MARK3: variants seen among roughly 807,000 people sequenced by gnomAD.
The protein encoded by MARK3 is microtubule affinity regulating kinase 3, also known as MAP/microtubule affinity-regulating kinase 3.
MARK3 carries 46 observed loss-of-function variants against 90.1 expected under a neutral mutation model. That is an observed-to-expected ratio of 0.51 (90% CI 0.40 to 0.65). The LOEUF (loss-of-function observed/expected upper bound fraction) is 0.65, where lower values mean the gene tolerates loss of function less well. Among genes scored for constraint, MARK3 ranks in the 30% least tolerant of loss-of-function variants. The pLI, the probability that MARK3 is intolerant of heterozygous loss-of-function variation, is 0.00. For synonymous variants in MARK3, 321 were observed against 332.6 expected, an observed-to-expected ratio of 0.97 and a Z score of 0.38; for missense variants, 818 against 947.2, an observed-to-expected ratio of 0.86 and a Z score of 1.79.
At chr14:103,407,336 A>G (rs2091362698) in intron 2 of MARK3, among the ~76,000 whole-genome samples, 1 of 152,074 alleles carries the variant, frequency 6.6e-6, no homozygotes, top group Admixed American at 6.6e-5. Flanking sequence ...TATTGTCAAT[A>G]TTTACAGATT....
chr14:103,430,021 G>A (rs1036962548), intron 3 of MARK3, among the ~76,000 whole-genome samples: 4 of 151,796 alleles, frequency 2.6e-5, no homozygotes, highest in African/African-American at 9.7e-5. Flanking sequence ...TTTCATTGCT[G>A]CTCTTCGTTT....
At chr14:103,405,353 C>A in intron 2 of MARK3, 86 bp downstream of exon 2, 2 of 1,094,012 alleles carry the variant, frequency 1.8e-6, no homozygotes, top group Non-Finnish European at 2.5e-6. Flanking sequence ...AGATATAGGC[C>A]TTATTTCTTT....
Position 103,385,893 on chromosome 14 carries a change from C to T in MARK3, c.-137C>T. ...GGGCCAGGCCCGGGATCTAGACGGC[C>T]GTAGGGGGAAGGGAGCCGCCCTCCC... On this transcript the variant is annotated 5_prime_UTR_variant, in exon 1 of 18. Coordinates refer to ENST00000429436, the MANE Select transcript of MARK3 (RefSeq NM_001128918.3). 2.9e-6 allele frequency: 2 copies of T among 692,182 alleles called. No homozygotes were observed. The highest frequency in any genetic ancestry group is 1.6e-5 in the South Asian group (1 of 62,738). 42.9% of individuals were successfully genotyped at this position (692,182 alleles called of 1,614,324 possible). A position where few individuals can be genotyped will look rare whatever the true frequency, so the allele number is the denominator to read the frequency against.
intron 13 of MARK3, among the ~76,000 whole-genome samples, chr14:103,479,628 C>CTT (rs34768749): frequency 0.058 from 4,530 of 78,084 alleles, 591 homozygotes; most frequent in Admixed American, 0.086. Flanking sequence ...ATACGTATAG[C>CTT]TTTTTTTTTT....
intron 1 of MARK3, among the ~76,000 whole-genome samples, chr14:103,390,310 A>C (rs1389742722): frequency 4.6e-5 from 7 of 152,220 alleles, no homozygotes; most frequent in Admixed American, 4.6e-4. Flanking sequence ...AATCTGATCC[A>C]GTGAGGTTGC....
At chr14:103,398,670 GC>G (rs1354257350) in intron 1 of MARK3, among the ~76,000 whole-genome samples, 7 of 152,134 alleles carry the variant, frequency 4.6e-5, no homozygotes, top group African/African-American at 1.7e-4. Context: ...ACCATGCCTG[GC>G]CAAGAGTTTT....
chr14:103,486,486 CACAAAAACTTTAAAAAAATTTTTTAATT>C (rs1214563131), intron 14 of MARK3, among the ~76,000 whole-genome samples: 1 of 151,976 alleles, frequency 6.6e-6, no homozygotes, highest in African/African-American at 2.4e-5. Flanking sequence ...ACTATGAACC[CACAAAAACTTTAAAAAAATTTTTTAATT>C]ATTAAAAAAA....
At chr14:103,437,856 G>C (rs966431637) in intron 3 of MARK3, among the ~76,000 whole-genome samples, 2 of 152,138 alleles carry the variant, frequency 1.3e-5, no homozygotes, top group Non-Finnish European at 2.9e-5. Flanking sequence ...GAGGTGACAG[G>C]GTCAGGGAGG....
intron 16 of MARK3, chr14:103,499,910 GTGTGATGTA>G: frequency 3.8e-6 from 2 of 530,794 alleles, no homozygotes; most frequent in Non-Finnish European, 6.9e-6. Context: ...CATGCAATGT[GTGTGATGTA>G]TGCAGTGTGC....
chr14:103,408,257 G>T lies in MARK3; in HGVS notation c.243+2990G>T, dbSNP rs561494663. 7.2e-5 allele frequency among the ~76,000 whole-genome samples: 11 copies of T among 152,242 alleles called. No homozygotes were observed. The South Asian group carries it at 2.3e-3, about 32-fold the overall frequency. ...GCTGGAGTGCAGTGGCGTGATCTCA[G>T]CTCACTGCAACCTCCCGCCTCCTGG... On this transcript the variant is annotated intron_variant, in intron 2 of 17. Transcript: ENST00000429436.
intron 2 of MARK3, among the ~76,000 whole-genome samples, chr14:103,416,190 C>T (rs1223336085): frequency 1.3e-5 from 2 of 152,146 alleles, no homozygotes; most frequent in Non-Finnish European, 2.9e-5. Flanking sequence ...TTTTGCAGTA[C>T]TCACACATAT....
chr14:103,414,997 C>CA (rs2140888238), intron 2 of MARK3, among the ~76,000 whole-genome samples: 1 of 151,560 alleles, frequency 6.6e-6, no homozygotes, highest in South Asian at 2.1e-4. Context: ...ACTAAAAATA[C>CA]AAAAAATAGC....
intron 1 of MARK3, 78 bp downstream of exon 1, chr14:103,386,158 T>G (rs530096524): frequency 7.3e-7 from 1 of 1,368,884 alleles, no homozygotes; most frequent in Non-Finnish European, 1.0e-6. Context: ...TGCAGTCGGG[T>G]GTTCCCCCCA....
intron 13 of MARK3, among the ~76,000 whole-genome samples, chr14:103,477,655 G>A (rs1327612295): frequency 6.6e-6 from 1 of 151,950 alleles, no homozygotes; most frequent in Non-Finnish European, 1.5e-5. Flanking sequence ...GCCAACACCT[G>A]TCTTTAGTTT....
intron 2 of MARK3, 21 bp downstream of exon 2, chr14:103,405,288 T>C: frequency 2.0e-6 from 3 of 1,479,478 alleles, no homozygotes; most frequent in Non-Finnish European, 2.7e-6. Context: ...GTTATGCTTA[T>C]TTCTGTTATG....
chr14:103,488,632 A>T (rs752530219), intron 14 of MARK3, among the ~76,000 whole-genome samples: 1 of 152,156 alleles, frequency 6.6e-6, no homozygotes, highest in Non-Finnish European at 1.5e-5. Context: ...AGGCAGAAGG[A>T]TCAGTTGAAC....
At chr14:103,438,606 A>T (rs777267464) in intron 3 of MARK3, among the ~76,000 whole-genome samples, 51 of 152,302 alleles carry the variant, frequency 3.3e-4, no homozygotes, top group East Asian at 3.9e-4. Flanking sequence ...ATTTTTCCTG[A>T]TGTTGCTCTG....
intron 17 of MARK3, among the ~76,000 whole-genome samples, chr14:103,502,458 T>G (rs2075724329): frequency 6.6e-6 from 1 of 152,226 alleles, no homozygotes; most frequent in Non-Finnish European, 1.5e-5. Flanking sequence ...GATTCACATC[T>G]GAAAGAACAG....
intron 2 of MARK3, among the ~76,000 whole-genome samples, chr14:103,416,774 AAAAATAAAGAAAG>A (rs1734215922): frequency 6.6e-6 from 1 of 152,188 alleles, no homozygotes; most frequent in Admixed American, 6.5e-5. Context: ...CTCTGTCTCA[AAAAATAAAGAAAG>A]AAAATAAAGT....
Sources: gnomAD v4.1 joint callset for allele counts (sites outside exome capture counted in the v4.1 genomes callset) on GRCh38, gnomAD v4.1.1 for gene constraint, MANE v1.5 for transcripts, NCBI Gene and HGNC (gene_info 2026-07-23, HGNC 2026-07-21) for gene names.